CGNL1: variants seen among roughly 807,000 people sequenced by gnomAD.
The protein encoded by CGNL1 is cingulin-like protein 1.
In CGNL1, 132 loss-of-function variants were observed where a neutral mutation model predicts 141.2. The observed-to-expected ratio is 0.93, with a 90% CI of 0.81 to 1.08. CGNL1 has a LOEUF of 1.08. Ranked by LOEUF, CGNL1 falls within the 50% of genes least tolerant of loss-of-function variation. The pLI is 0.00. For synonymous variants in CGNL1, 690 were observed against 622.1 expected, an observed-to-expected ratio of 1.11 and a Z score of -1.63; for missense variants, 1,870 against 1,588.6, an observed-to-expected ratio of 1.18 and a Z score of -3.01.
chr15:57,524,865 A>T (rs2031514952), intron 12 of CGNL1, 114 bp downstream of exon 12: 1 of 1,039,518 alleles, frequency 9.6e-7, no homozygotes. Flanking sequence ...TTGGTGCTTG[A>T]CTCTTCATTC....
intron 8 of CGNL1, among the ~76,000 whole-genome samples, chr15:57,472,893 G>A (rs555736000): frequency 1.3e-5 from 2 of 152,248 alleles, no homozygotes; most frequent in South Asian, 2.1e-4. Flanking sequence ...ATGGGTCAGC[G>A]GTGGGAATAC....
intron 1 of CGNL1, among the ~76,000 whole-genome samples, chr15:57,393,115 T>G (rs2062561157): frequency 6.6e-6 from 1 of 152,216 alleles, no homozygotes; most frequent in Admixed American, 6.5e-5. Flanking sequence ...TACCCTTACA[T>G]TGTGCCATAG....
intron 12 of CGNL1, chr15:57,527,268 C>G (rs1041764540): frequency 6.6e-6 from 1 of 152,228 alleles, no homozygotes; most frequent in South Asian, 2.1e-4. Flanking sequence ...CTGTCAGCCT[C>G]CCAGAGAAGA....
intron 7 of CGNL1, 69 bp downstream of exon 7, chr15:57,453,887 T>C: frequency 6.3e-7 from 1 of 1,582,456 alleles, no homozygotes; most frequent in Non-Finnish European, 8.6e-7. Context: ...GTGGCTAGGG[T>C]TTGTGGACTG....
intron 1 of CGNL1, among the ~76,000 whole-genome samples, chr15:57,426,446 C>A (rs1236370877): frequency 8.2e-6 from 1 of 121,986 alleles, no homozygotes; most frequent in Non-Finnish European, 1.7e-5. Context: ...CACCAGGCCA[C>A]ATTTTTTTTT....
intron 10 of CGNL1, among the ~76,000 whole-genome samples, chr15:57,520,437 C>G (rs1350352672): frequency 1.3e-5 from 2 of 152,136 alleles, no homozygotes; most frequent in African/African-American, 2.4e-5. Flanking sequence ...AAATAGATTT[C>G]TTTACATAGT....
chr15:57,504,647 G>C (rs1467821004), intron 8 of CGNL1, among the ~76,000 whole-genome samples: 1 of 151,698 alleles, frequency 6.6e-6, no homozygotes, highest in Non-Finnish European at 1.5e-5. Flanking sequence ...CTGAGTCCCC[G>C]GGGGACCCAG....
chr15:57,487,715 TG>T (rs2063803797), intron 8 of CGNL1, among the ~76,000 whole-genome samples: 1 of 152,262 alleles, frequency 6.6e-6, no homozygotes, highest in Admixed American at 6.5e-5. Context: ...TTGCCTTTAC[TG>T]GTTTTTTACT....
At chr15:57,509,905 C>T (rs1048825022) in intron 8 of CGNL1, among the ~76,000 whole-genome samples, 19 of 152,154 alleles carry the variant, frequency 1.2e-4, no homozygotes, top group African/African-American at 4.1e-4. Flanking sequence ...TAGATGCCAT[C>T]GGTTTACCAC....
At chr15:57,457,416 C>G (rs1162650671) in intron 7 of CGNL1, among the ~76,000 whole-genome samples, 1 of 152,194 alleles carries the variant, frequency 6.6e-6, no homozygotes, top group African/African-American at 2.4e-5. Flanking sequence ...TCTCTTCAGG[C>G]TCTGGTTGCT....
intron 5 of CGNL1, among the ~76,000 whole-genome samples, 166 bp downstream of exon 5, chr15:57,451,767 A>T (rs2063325124): frequency 6.6e-6 from 1 of 152,156 alleles, no homozygotes; most frequent in Admixed American, 6.5e-5. Context: ...GCTGCTGTCC[A>T]AAGAATTTTT....
At chr15:57,439,627 G>T (rs560458613) in intron 2 of CGNL1, 26 bp downstream of exon 2, 166 of 1,596,964 alleles carry the variant, frequency 1.0e-4, no homozygotes, top group African/African-American at 3.2e-4. Context: ...TTCCTGTTTG[G>T]TTTTTTTTCT....
intron 10 of CGNL1, among the ~76,000 whole-genome samples, chr15:57,522,293 G>A (rs74459417): frequency 2.2e-3 from 333 of 152,350 alleles, no homozygotes; most frequent in Non-Finnish European, 4.2e-3. Context: ...TATGGGTCGT[G>A]TTTTAGCCCC....
intron 1 of CGNL1, among the ~76,000 whole-genome samples, chr15:57,401,358 C>CT (rs2062658593): frequency 6.6e-6 from 1 of 152,126 alleles, no homozygotes. Context: ...CGCCCAGCTG[C>CT]TTTTTTCTTT....
rs759816078 is a variant in CGNL1 at position 57,528,764 on chromosome 15, A to G, written c.3150A>G (p.Glu1050=). ...TGAAGGACCTGGAGTATGAGCTGGA[A>G]GCCAAGAGTCACCTCAAAGATGACC... ...QTLKDLEYEL[E]AKSHLKDDRS... The change falls in exon 13 of 19, where the codon GAA becomes GAG. Residue 1050 remains glutamate, a synonymous_variant. Coordinates refer to ENST00000281282, the MANE Select transcript of CGNL1 (RefSeq NM_032866.5). 3 of 1,614,160 alleles carry G rather than the reference A, an allele frequency of 1.9e-6. No individual in the cohort carries two copies. The South Asian group carries it at 3.3e-5, about 18-fold the overall frequency.
rs764148295 is a variant in CGNL1, at chr15:57,438,202, C to T, written c.203C>T (p.Ser68Leu). 2 of 1,614,072 alleles carry T rather than the reference C, an allele frequency of 1.2e-6. No individual in the cohort carries two copies. The highest frequency in any genetic ancestry group is 1.7e-6 in the Non-Finnish European group (2 of 1,179,948). The change falls in exon 2 of 19, where the codon TCG becomes TTG. Residue 68 changes from serine to leucine, a missense_variant. Transcript: ENST00000281282. ...ACAGAACGGTGCCTAGCAGGCACAT[C>T]GTTTTCTGAAAATGGGCCACCCTTT... is the stretch of plus-strand genomic sequence containing the variant. Reference protein sequence around the residue: ...NNTERCLAGTSFSENGPPFPP... With the variant: ...NNTERCLAGTLFSENGPPFPP...
chr15:57,454,654 C>A (rs2063357872), intron 7 of CGNL1, among the ~76,000 whole-genome samples: 1 of 152,122 alleles, frequency 6.6e-6, no homozygotes, highest in Admixed American at 6.5e-5. Flanking sequence ...AGGGTGATTG[C>A]CTCTTCTCCA....
chr15:57,468,174 T>C (rs144517906), intron 8 of CGNL1, among the ~76,000 whole-genome samples: 80 of 152,186 alleles, frequency 5.3e-4, no homozygotes, highest in African/African-American at 1.8e-3. Flanking sequence ...TCTCTACTTG[T>C]TGCAAATGTG....
intron 1 of CGNL1, among the ~76,000 whole-genome samples, chr15:57,423,510 A>G (rs1255322810): frequency 2.0e-5 from 3 of 152,094 alleles, no homozygotes; most frequent in Non-Finnish European, 4.4e-5. Context: ...TTCTTTTGTT[A>G]GCCCATTCTG....
Sources: gnomAD v4.1 joint callset for allele counts (sites outside exome capture counted in the v4.1 genomes callset) on GRCh38, gnomAD v4.1.1 for gene constraint, MANE v1.5 for transcripts, NCBI Gene and HGNC (gene_info 2026-07-23, HGNC 2026-07-21) for gene names.